Variants in TUBB6 observed in about 807,000 individuals in gnomAD.
TUBB6 encodes tubulin beta-6 chain.
TUBB6 carries 18 observed loss-of-function variants against 32.3 expected under a neutral mutation model. The ratio of observed to expected loss-of-function variants is 0.56; its 90% CI spans 0.39 to 0.83. The LOEUF is 0.83. Ranked by LOEUF, TUBB6 falls within the 40% of genes least tolerant of loss-of-function variation. TUBB6 has a pLI of 0.00. For synonymous variants in TUBB6, 280 were observed against 265.8 expected, an observed-to-expected ratio of 1.05 and a Z score of -0.52; for missense variants, 480 against 632.0, an observed-to-expected ratio of 0.76 and a Z score of 2.58.
Position 12,326,221 on chromosome 18 carries a change from A to C in TUBB6, c.*91A>C. The stretch of plus-strand genomic sequence containing the variant: ...CCTACCCTATGGCCCTGAATGGTGC[A>C]CTGGTTTAATTGTGTTGGTGTCGGC... On this transcript the variant is annotated 3_prime_UTR_variant, in exon 4 of 4. Transcript: ENST00000317702. 6.7e-7 allele frequency: 1 copy of C among 1,485,340 alleles called. No individual in the cohort carries two copies. The highest frequency in any genetic ancestry group is 9.0e-7 in the Non-Finnish European group (1 of 1,117,262). The allele number at this position is 1,485,340 out of a possible 1,614,324, so 92.0% of individuals were successfully genotyped here.
chr18:12,309,408 C>G lies in TUBB6; in HGVS notation c.166+613C>G, dbSNP rs1353109737. Among the ~76,000 whole-genome samples, 8 of 142,100 alleles carry G rather than the reference C, an allele frequency of 5.6e-5. No individual in the cohort carries two copies. The East Asian group carries it at 8.7e-4, about 15-fold the overall frequency. The allele number at this position is 142,100 out of a possible 152,430, so 93.2% of individuals were successfully genotyped here. On this transcript the variant is annotated intron_variant, in intron 2 of 3. Coordinates refer to ENST00000317702, the MANE Select transcript of TUBB6 (RefSeq NM_032525.3). ...GGGAAAAACAAAGCTTCCCCCCCCC[C>G]CCCCCCAGTTTAAAACGTATCTCTT...
intron 2 of TUBB6, among the ~76,000 whole-genome samples, 184 bp downstream of exon 2, chr18:12,308,979 A>C (rs1182077995): frequency 6.6e-6 from 1 of 152,174 alleles, no homozygotes; most frequent in East Asian, 1.9e-4. Flanking sequence ...AGCTCGATTC[A>C]GCCTATCCTG....
downstream of TUBB6, chr18:12,329,036 T>C: frequency 1.5e-6 from 1 of 665,806 alleles, no homozygotes. Flanking sequence ...ATGTTACAGC[T>C]CCTGTAGAAA....
intron 3 of TUBB6, among the ~76,000 whole-genome samples, chr18:12,313,604 G>A (rs996515189): frequency 6.6e-6 from 1 of 152,148 alleles, no homozygotes; most frequent in Non-Finnish European, 1.5e-5. Context: ...AATACCTGGG[G>A]ACAAAATTTA....
At chr18:12,314,196 C>T (rs1413925189) in intron 3 of TUBB6, among the ~76,000 whole-genome samples, 1 of 152,084 alleles carries the variant, frequency 6.6e-6, no homozygotes, top group Non-Finnish European at 1.5e-5. Context: ...CATCAGTTCC[C>T]TTCTCTGGGG....
chr18:12,309,171 G>A (rs1906203520), intron 2 of TUBB6, among the ~76,000 whole-genome samples: 1 of 151,860 alleles, frequency 6.6e-6, no homozygotes, highest in Non-Finnish European at 1.5e-5. Context: ...GGCAGCATAG[G>A]AGACCACCCC....
chr18:12,323,047 T>A (rs910146772), intron 3 of TUBB6, among the ~76,000 whole-genome samples: 6 of 152,146 alleles, frequency 3.9e-5, no homozygotes, highest in African/African-American at 1.4e-4. Context: ...ATCTAGTATC[T>A]AGTTTTTTCA....
At chr18:12,316,524 G>A (rs1295105903) in intron 3 of TUBB6, among the ~76,000 whole-genome samples, 2 of 152,210 alleles carry the variant, frequency 1.3e-5, no homozygotes, top group Non-Finnish European at 2.9e-5. Context: ...GTTTTCAACA[G>A]GTTGTACTAA....
chr18:12,326,057 A>G lies in TUBB6; in HGVS notation c.1268A>G (p.Gln423Arg), dbSNP rs1182922846. The change falls in exon 4 of 4, where the codon CAG becomes CGG. Residue 423 changes from glutamine (Q) to arginine (R), a missense_variant. Coordinates refer to ENST00000317702, the MANE Select transcript of TUBB6 (RefSeq NM_032525.3). Reference protein sequence around the residue: ...SNMNDLVSEYQQYQDATANDG... With the variant: ...SNMNDLVSEYRQYQDATANDG... Reference sequence around the variant, plus strand: ...ATGAACGACCTGGTATCCGAGTACCAGCAGTACCAGGATGCCACCGCCAAT... The same window carrying G: ...ATGAACGACCTGGTATCCGAGTACCGGCAGTACCAGGATGCCACCGCCAAT... The G allele has an allele frequency of 1.2e-6, 2 of 1,614,210 alleles. No homozygotes were observed. The highest frequency in any genetic ancestry group is 1.1e-5 in the South Asian group (1 of 91,084).
At chr18:12,328,453 C>G (rs1419012615), downstream of TUBB6, among the ~76,000 whole-genome samples, 1 of 152,226 alleles carries the variant, frequency 6.6e-6, no homozygotes, top group African/African-American at 2.4e-5. Flanking sequence ...TACAGACTCA[C>G]TTTTCTGGAA....
At chr18:12,309,826 AAC>A (rs1455375879) in intron 2 of TUBB6, among the ~76,000 whole-genome samples, 5 of 152,276 alleles carry the variant, frequency 3.3e-5, no homozygotes, top group African/African-American at 1.2e-4. Context: ...TCCACACAAG[AAC>A]ACTCTGACTC....
At chr18:12,329,498 C>T (rs1249539139), downstream of TUBB6, 3 of 1,498,006 alleles carry the variant, frequency 2.0e-6, no homozygotes, top group Non-Finnish European at 2.8e-6. Flanking sequence ...CTTCTGAAAG[C>T]CACAGCTGAA....
chr18:12,325,865 G>A lies in TUBB6; in HGVS notation c.1076G>A (p.Arg359His), dbSNP rs760304099. Residue 359 changes from arginine (R) to histidine (H), a missense_variant, in exon 4 of 4, where the codon CGC becomes CAC. Arg to His is a conservative substitution (Grantham distance 29, BLOSUM62 0). Coordinates refer to ENST00000317702, the MANE Select transcript of TUBB6 (RefSeq NM_032525.3). ...GTGGCCGTGTGCGACATCCCGCCCC[G>A]CGGCCTGAAGATGGCCTCCACCTTC... is the stretch of plus-strand genomic sequence containing the variant. Reference protein sequence around the residue: ...VKVAVCDIPPRGLKMASTFIG... With the variant: ...VKVAVCDIPPHGLKMASTFIG... The A allele has an allele frequency of 4.3e-6, 7 of 1,614,046 alleles. No homozygotes were observed. Among genetic ancestry groups the A allele is most frequent in the Admixed American group, 1.7e-5 (1 of 60,000 alleles).
At position 12,308,266 on chromosome 18, in the gene TUBB6, A is replaced by G. The variant is rs372336314; in HGVS notation, c.-27A>G. ...AGTTGCCGCTGTCGTCCGCAGAGCC[A>G]GTTCCTAGCGCAGAGCCGCGCCCGC... On this transcript the variant is annotated 5_prime_UTR_variant, in exon 1 of 4. Coordinates refer to ENST00000317702, the MANE Select transcript of TUBB6 (RefSeq NM_032525.3). 84 of 1,419,436 alleles carry G rather than the reference A, an allele frequency of 5.9e-5. 1 individual carries two copies. The African/African-American group carries it at 8.5e-4, about 14-fold the overall frequency. 87.9% of individuals were successfully genotyped at this position (1,419,436 alleles called of 1,614,324 possible).
chr18:12,326,303 A>G lies in TUBB6; in HGVS notation c.*173A>G. ...GTCATCTGGAACAAAGACTAAAAAC[A>G]GCAGAGAATTGCGGGTTCTACCCAG... On this transcript the variant is annotated 3_prime_UTR_variant, in exon 4 of 4. Coordinates refer to ENST00000317702, the MANE Select transcript of TUBB6 (RefSeq NM_032525.3). 9.7e-7 allele frequency: 1 copy of G among 1,028,188 alleles called. No homozygotes were observed. Among genetic ancestry groups the G allele is most frequent in the Non-Finnish European group, 1.4e-6 (1 of 732,256 alleles). The allele number at this position is 1,028,188 out of a possible 1,614,324, so 63.7% of individuals were successfully genotyped here. A position where few individuals can be genotyped will look rare whatever the true frequency, so the allele number is the denominator to read the frequency against.
Position 12,325,836 on chromosome 18 carries a change from G to A in TUBB6, c.1047G>A (p.Val349=). 6.2e-7 allele frequency: 1 copy of A among 1,614,240 alleles called. No homozygotes were observed. Residue 349 remains valine (V), a synonymous_variant, in exon 4 of 4, where the codon GTG becomes GTA. Transcript: ENST00000317702. The part of the protein sequence containing the change: ...SYFVEWIPNN[V]KVAVCDIPPR... The stretch of plus-strand genomic sequence containing the variant: ...TCGTGGAGTGGATTCCCAACAACGT[G>A]AAGGTGGCCGTGTGCGACATCCCGC...
intron 3 of TUBB6, among the ~76,000 whole-genome samples, chr18:12,317,952 T>C (rs982691674): frequency 1.3e-5 from 2 of 152,214 alleles, no homozygotes; most frequent in African/African-American, 4.8e-5. Flanking sequence ...TGGCTATTCA[T>C]GCTATAAATA....
chr18:12,313,356 G>A (rs1212492530), intron 3 of TUBB6, among the ~76,000 whole-genome samples: 1 of 152,190 alleles, frequency 6.6e-6, no homozygotes, highest in Non-Finnish European at 1.5e-5. Context: ...AAAATGACTA[G>A]CACTTACAAG....
chr18:12,317,153 C>CAA (rs773323455), intron 3 of TUBB6, among the ~76,000 whole-genome samples: 16 of 66,408 alleles, frequency 2.4e-4, no homozygotes, highest in African/African-American at 5.1e-4. Flanking sequence ...GAGACCCTGT[C>CAA]AAAAAAAAAA....
Sources: allele counts gnomAD v4.1 joint callset (sites outside exome capture counted in the v4.1 genomes callset), GRCh38; gene constraint gnomAD v4.1.1; transcripts MANE v1.5; gene names NCBI Gene and HGNC (gene_info 2026-07-23, HGNC 2026-07-21).